The following SESN3 variants were observed in gnomAD, a reference collection of about 807,000 sequenced individuals.
The protein encoded by SESN3 is sestrin-3.
Under a neutral mutation model 55.3 loss-of-function variants are expected in SESN3, and 21 were observed. The ratio of observed to expected loss-of-function variants is 0.38; its 90% CI spans 0.27 to 0.55. The LOEUF (loss-of-function observed/expected upper bound fraction) is 0.55, where lower values mean the gene tolerates loss of function less well. Among genes scored for constraint, SESN3 ranks in the 20% least tolerant of loss-of-function variants. The pLI, the probability that SESN3 is intolerant of heterozygous loss-of-function variation, is 0.76. For missense variants in SESN3, 408 were observed against 604.3 expected, an observed-to-expected ratio of 0.68 and a Z score of 3.41; for synonymous variants, 181 against 203.1, an observed-to-expected ratio of 0.89 and a Z score of 0.93.
intron 1 of SESN3, among the ~76,000 whole-genome samples, chr11:95,229,141 C>T (rs1861001914): frequency 6.6e-6 from 1 of 152,170 alleles, no homozygotes; most frequent in Non-Finnish European, 1.5e-5. Flanking sequence ...TTTAATCAAA[C>T]ATGTCTTAAA....
At chr11:95,227,640 TA>T (rs1860972405) in intron 1 of SESN3, among the ~76,000 whole-genome samples, 1 of 152,202 alleles carries the variant, frequency 6.6e-6, no homozygotes, top group Admixed American at 6.5e-5. Flanking sequence ...ATCTTAACAT[TA>T]AAAAAGTTTA....
intron 1 of SESN3, among the ~76,000 whole-genome samples, chr11:95,223,399 C>T (rs909978749): frequency 9.2e-5 from 14 of 152,156 alleles, no homozygotes; most frequent in African/African-American, 3.4e-4. Context: ...TAGCCAAGAA[C>T]CAATCAATTT....
At chr11:95,176,658 G>C (rs530391184) in intron 8 of SESN3, among the ~76,000 whole-genome samples, 1 of 152,206 alleles carries the variant, frequency 6.6e-6, no homozygotes, top group East Asian at 1.9e-4. Flanking sequence ...ATAATGCTTA[G>C]TTTAATAAAA....
upstream of SESN3, chr11:95,231,542 T>C (rs1397965075): frequency 6.2e-6 from 1 of 161,688 alleles, no homozygotes; most frequent in East Asian, 1.8e-4. Context: ...CAAGATAAGC[T>C]ACGCCCCCTT....
At chr11:95,223,943 T>C (rs1860904713) in intron 1 of SESN3, among the ~76,000 whole-genome samples, 1 of 152,232 alleles carries the variant, frequency 6.6e-6, no homozygotes, top group South Asian at 2.1e-4. Context: ...GTTTAATTCA[T>C]TTAAAATAGT....
intron 2 of SESN3, among the ~76,000 whole-genome samples, chr11:95,192,824 T>C (rs1388065691): frequency 6.6e-6 from 1 of 152,120 alleles, no homozygotes; most frequent in Admixed American, 6.6e-5. Flanking sequence ...GTTAAAAATA[T>C]AATGGGATCC....
At chr11:95,225,241 A>G (rs1198001377) in intron 1 of SESN3, among the ~76,000 whole-genome samples, 1 of 152,190 alleles carries the variant, frequency 6.6e-6, no homozygotes, top group Non-Finnish European at 1.5e-5. Context: ...AATTATGAAC[A>G]CAGTTTTGAC....
Position 95,193,499 on chromosome 11 carries a change from T to A in SESN3, c.102A>T (p.Gln34His), listed in dbSNP as rs749777921. Reference sequence around the variant, plus strand: ...AGGCACTTGGTCCTCTTGTCAAGGGTTGAGACACTCTGATTCTTTTATCCT... The same window carrying A: ...AGGCACTTGGTCCTCTTGTCAAGGGATGAGACACTCTGATTCTTTTATCCT... Reference protein sequence around the residue: ...LRKDKRIRVSQPLTRGPSAFI... With the variant: ...LRKDKRIRVSHPLTRGPSAFI... Residue 34 changes from glutamine to histidine, a missense_variant, in exon 2 of 10, where the codon CAA becomes CAT. Physicochemically the swap from Gln to His is conservative, Grantham distance 24. Transcript: ENST00000536441. 42 of 1,594,660 alleles carry A rather than the reference T, an allele frequency of 2.6e-5. No homozygotes were observed. The highest frequency in any genetic ancestry group is 3.4e-5 in the Non-Finnish European group (40 of 1,163,710).
chr11:95,199,204 G>A (rs1860418083), intron 1 of SESN3, among the ~76,000 whole-genome samples: 1 of 152,124 alleles, frequency 6.6e-6, no homozygotes, highest in South Asian at 2.1e-4. Context: ...TATTTTTCAT[G>A]AAATCCTATA....
In SESN3 at chr11:95,169,073, C is replaced by A. The variant is rs1859802301; in HGVS notation, c.*4182G>T. On this transcript the variant is annotated 3_prime_UTR_variant, in exon 10 of 10. Coordinates refer to ENST00000536441, the MANE Select transcript of SESN3 (RefSeq NM_144665.4). ...TGACATATACCTCTACCTCTCTTAT[C>A]CATTTCACCCCAGCTATTTTTGTTC... 1 of 152,212 alleles carries A rather than the reference C, an allele frequency of 6.6e-6. No homozygotes were observed. Among genetic ancestry groups the A allele is most frequent in the South Asian group, 2.1e-4 (1 of 4,822 alleles). The allele number at this position is 152,212 out of a possible 1,614,324, so 9.4% of individuals were successfully genotyped here.
chr11:95,185,237 A>G lies in SESN3; in HGVS notation c.762+19T>C, dbSNP rs775214555. 1 of 1,461,232 alleles carries G rather than the reference A, an allele frequency of 6.8e-7. No homozygotes were observed. The highest frequency in any genetic ancestry group is 9.6e-7 in the Non-Finnish European group (1 of 1,046,086). 90.5% of individuals were successfully genotyped at this position (1,461,232 alleles called of 1,614,324 possible). ...GTTTAAAGCAAAAATAGTAAAGAAA[A>G]ATAGCTAAGAAAACTAACCCCAAAG... On this transcript the variant is annotated intron_variant, in intron 5 of 9. Coordinates refer to ENST00000536441, the MANE Select transcript of SESN3 (RefSeq NM_144665.4).
chr11:95,227,372 A>C (rs1034183697), intron 1 of SESN3, among the ~76,000 whole-genome samples: 4 of 151,890 alleles, frequency 2.6e-5, no homozygotes, highest in African/African-American at 9.7e-5. Context: ...CGCCCAGCTA[A>C]TTTTTGTATT....
intron 7 of SESN3, 151 bp from the exon 8 acceptor site, chr11:95,178,060 T>C (rs1591046592): frequency 1.7e-6 from 1 of 596,062 alleles, no homozygotes. Context: ...CAATAACCCT[T>C]CACATCAGTT....
At chr11:95,184,283 G>A in intron 6 of SESN3, 137 bp downstream of exon 6, 2 of 699,014 alleles carry the variant, frequency 2.9e-6, no homozygotes, top group Non-Finnish European at 4.8e-6. Context: ...AATAGCATGA[G>A]GGTAAGATAG....
intron 8 of SESN3, among the ~76,000 whole-genome samples, chr11:95,177,052 G>A (rs1475033939): frequency 6.6e-6 from 1 of 152,166 alleles, no homozygotes; most frequent in East Asian, 1.9e-4. Flanking sequence ...TAGTCAAGTT[G>A]AATAATTTGT....
chr11:95,189,685 GAC>G, intron 4 of SESN3, 92 bp downstream of exon 4: 1 of 801,948 alleles, frequency 1.2e-6, no homozygotes, highest in Non-Finnish European at 1.9e-6. Context: ...CACATACTAA[GAC>G]ACTATTATTT....
chr11:95,175,452 A>T, intron 9 of SESN3, 46 bp downstream of exon 9: 1 of 1,486,618 alleles, frequency 6.7e-7, no homozygotes, highest in Non-Finnish European at 9.3e-7. Context: ...TACTTCTTGT[A>T]CTGAAGAACT....
chr11:95,188,441 C>G (rs563052101), intron 4 of SESN3, among the ~76,000 whole-genome samples: 61 of 151,554 alleles, frequency 4.0e-4, no homozygotes, highest in African/African-American at 1.4e-3. Context: ...ATAACATAAC[C>G]CTGAAGACCA....
At chr11:95,193,941 C>A (rs1453849904) in intron 1 of SESN3, among the ~76,000 whole-genome samples, 1 of 152,104 alleles carries the variant, frequency 6.6e-6, no homozygotes, top group Non-Finnish European at 1.5e-5. Flanking sequence ...ATTACCCAGT[C>A]TGCTTTTTTT....
Sources: gnomAD v4.1 joint callset for allele counts (sites outside exome capture counted in the v4.1 genomes callset) on GRCh38, gnomAD v4.1.1 for gene constraint, MANE v1.5 for transcripts, NCBI Gene and HGNC (gene_info 2026-07-23, HGNC 2026-07-21) for gene names.